The following BBS7 variants were observed in gnomAD, a reference collection of about 807,000 sequenced individuals.
The protein encoded by BBS7 is BBSome complex member BBS7.
A neutral mutation model predicts 90.3 loss-of-function variants in BBS7; 50 were observed. That is an observed-to-expected ratio of 0.55 (90% CI 0.44 to 0.70). BBS7 has a LOEUF of 0.70. Among genes scored for constraint, BBS7 ranks in the 30% least tolerant of loss-of-function variants. BBS7 has a pLI of 0.00. For missense variants in BBS7, 729 were observed against 838.9 expected (o/e 0.87, Z 1.62); for synonymous variants, 235 against 287.4 (o/e 0.82, Z 1.85).
intron 8 of BBS7, 100 bp downstream of exon 8, chr4:121,852,856 A>T: frequency 7.9e-7 from 1 of 1,264,320 alleles, no homozygotes; most frequent in Non-Finnish European, 1.1e-6. Context: ...AACCAAACAC[A>T]AGATTTTAAT....
chr4:121,863,121 A>T lies in BBS7; in HGVS notation c.165+96T>A, dbSNP rs112217829. Reference sequence around the variant, plus strand: ...CTTACCTCAGAACCCATTTTCCATTACCTGTATTTTAGGAAATTTTTAACC... The same window carrying T: ...CTTACCTCAGAACCCATTTTCCATTTCCTGTATTTTAGGAAATTTTTAACC... On this transcript the variant is annotated intron_variant, in intron 3 of 18. Coordinates refer to ENST00000264499, the MANE Select transcript of BBS7 (RefSeq NM_176824.3). 2.1e-5 allele frequency: 24 copies of T among 1,157,986 alleles called. No homozygotes were observed. In the African/African-American group the frequency reaches 3.4e-4, roughly 16 times the overall value. 71.7% of individuals were successfully genotyped at this position (1,157,986 alleles called of 1,614,324 possible).
intron 11 of BBS7, among the ~76,000 whole-genome samples, chr4:121,844,934 A>G (rs1404590265): frequency 6.6e-6 from 1 of 152,224 alleles, no homozygotes. Flanking sequence ...GAAAAACCTT[A>G]CTGTCTTTTC....
chr4:121,854,631 A>T, intron 7 of BBS7, 73 bp downstream of exon 7: 1 of 1,413,594 alleles, frequency 7.1e-7, no homozygotes, highest in Non-Finnish European at 9.6e-7. Flanking sequence ...TAGATAAAAT[A>T]GAATAAATTA....
rs773379860 is a variant in BBS7 at position 121,833,393 on chromosome 4, G to A, written c.1514C>T (p.Pro505Leu). The change falls in exon 15 of 19, where the codon CCC becomes CTC. Residue 505 changes from proline (P) to leucine (L), a missense_variant and splice_region_variant. Coordinates refer to ENST00000264499, the MANE Select transcript of BBS7 (RefSeq NM_176824.3). ...QRTHFIDHDR[P>L]MNTLTLTGQF... ...GCCTGTTAGGGTCAGTGTATTCATGGGTCTGTAATATAATAGTAGAGGCGC... is the reference window on the plus strand; with the variant it reads ...GCCTGTTAGGGTCAGTGTATTCATGAGTCTGTAATATAATAGTAGAGGCGC... 1.9e-6 allele frequency: 3 copies of A among 1,613,606 alleles called. No homozygotes were observed. Among genetic ancestry groups the A allele is most frequent in the East Asian group, 2.2e-5 (1 of 44,854 alleles).
At chr4:121,863,352 C>A in intron 2 of BBS7, 73 bp from the exon 3 acceptor site, 3 of 1,295,232 alleles carry the variant, frequency 2.3e-6, no homozygotes, top group Non-Finnish European at 3.3e-6. Flanking sequence ...ACAGGGAAAG[C>A]AAGATTCTTA....
chr4:121,843,808 G>C (rs1172728792), intron 12 of BBS7, 119 bp downstream of exon 12: 4 of 729,446 alleles, frequency 5.5e-6, no homozygotes, highest in African/African-American at 3.6e-5. Context: ...TTGAAGGAAA[G>C]GTTACATAAG....
chr4:121,858,163 T>C (rs779902527), intron 5 of BBS7, among the ~76,000 whole-genome samples: 1 of 152,176 alleles, frequency 6.6e-6, no homozygotes, highest in Non-Finnish European at 1.5e-5. Context: ...ATAGACTCAC[T>C]GGATTTTTCC....
At chr4:121,849,347 C>T (rs1174196580) in intron 8 of BBS7, among the ~76,000 whole-genome samples, 2 of 152,130 alleles carry the variant, frequency 1.3e-5, no homozygotes, top group Non-Finnish European at 2.9e-5. Flanking sequence ...ACCAGAGGTG[C>T]GCGCCACAAC....
At chr4:121,859,200 T>A in intron 4 of BBS7, 22 bp from the exon 5 acceptor site, 3 of 1,606,930 alleles carry the variant, frequency 1.9e-6, no homozygotes, top group Non-Finnish European at 2.6e-6. Context: ...AAAATAGTAA[T>A]TTTTAAAAAT....
chr4:121,851,472 G>T (rs1022891871), intron 8 of BBS7, among the ~76,000 whole-genome samples: 1 of 150,638 alleles, frequency 6.6e-6, no homozygotes, highest in Non-Finnish European at 1.5e-5. Context: ...GGGAAGAAAG[G>T]GAGAAAGGAA....
chr4:121,828,020 T>C, intron 18 of BBS7, 126 bp downstream of exon 18: 2 of 1,516,904 alleles, frequency 1.3e-6, no homozygotes, highest in Non-Finnish European at 1.8e-6. Flanking sequence ...AACTGATTCA[T>C]GACTGGTTCA....
chr4:121,854,916 G>T, intron 6 of BBS7, 96 bp from the exon 7 acceptor site: 1 of 1,175,536 alleles, frequency 8.5e-7, no homozygotes, highest in Non-Finnish European at 1.2e-6. Flanking sequence ...ATTTTAAAAA[G>T]TACTATAAAA....
At chr4:121,831,404 G>C (rs1480360585) in intron 15 of BBS7, among the ~76,000 whole-genome samples, 1 of 151,906 alleles carries the variant, frequency 6.6e-6, no homozygotes, top group Non-Finnish European at 1.5e-5. Flanking sequence ...GCTGAGGCAG[G>C]AGGATTGCTT....
chr4:121,868,116 T>G, intron 1 of BBS7, 70 bp from the exon 2 acceptor site: 1 of 1,244,444 alleles, frequency 8.0e-7, no homozygotes, highest in Non-Finnish European at 1.2e-6. Flanking sequence ...TAAGTTATAG[T>G]GAACCTTTTT....
intron 1 of BBS7, among the ~76,000 whole-genome samples, chr4:121,869,947 T>G (rs1473503406): frequency 1.3e-5 from 2 of 152,068 alleles, no homozygotes; most frequent in Non-Finnish European, 1.5e-5. Flanking sequence ...AGATTGAGGA[T>G]TAGAGGCCCT....
chr4:121,848,818 C>A (rs1379738084), intron 9 of BBS7, 26 bp downstream of exon 9: 2 of 1,574,802 alleles, frequency 1.3e-6, no homozygotes, highest in East Asian at 2.2e-5. Context: ...ACTCTTTCTT[C>A]AATTACCTAT....
At position 121,861,522 on chromosome 4, in the gene BBS7, G is replaced by A; in HGVS notation, c.323C>T (p.Thr108Ile). 6.2e-7 allele frequency: 1 copy of A among 1,613,190 alleles called. No individual in the cohort carries two copies. The highest frequency in any genetic ancestry group is 8.5e-7 in the Non-Finnish European group (1 of 1,179,508). The change falls in exon 4 of 19, where the codon ACT (threonine) becomes ATT (isoleucine). Residue 108 changes from threonine (T) to isoleucine (I), a missense_variant. By Grantham distance (89) the Thr-to-Ile change is moderately conservative. Transcript: ENST00000264499. ...GACATACATAGCTTTAATGCTTTCAGTGAGGTTTGTTTCAAAGGAGAGGAA... is the reference window on the plus strand; with the variant it reads ...GACATACATAGCTTTAATGCTTTCAATGAGGTTTGTTTCAAAGGAGAGGAA... ...KQFLSFETNLTESIKAMHISG... is the reference protein window; with the variant it reads ...KQFLSFETNLIESIKAMHISG...
intron 15 of BBS7, among the ~76,000 whole-genome samples, chr4:121,832,010 ACAC>A (rs1467064034): frequency 4.4e-5 from 1 of 22,896 alleles, no homozygotes; most frequent in Admixed American, 3.1e-4. Flanking sequence ...AAAAACAAAA[ACAC>A]ACACACACAC....
chr4:121,870,228 C>A, intron 1 of BBS7, 50 bp downstream of exon 1: 1 of 1,610,380 alleles, frequency 6.2e-7, no homozygotes. Context: ...GAATCCTCTC[C>A]GGGTGCTGGG....
Sources: gnomAD v4.1 joint callset for allele counts (sites outside exome capture counted in the v4.1 genomes callset) on GRCh38, gnomAD v4.1.1 for gene constraint, MANE v1.5 for transcripts, NCBI Gene and HGNC (gene_info 2026-07-23, HGNC 2026-07-21) for gene names.